The following ZNF251 variants were observed in gnomAD, a reference collection of about 807,000 sequenced individuals.
The protein encoded by ZNF251 is zinc finger protein 251.
ZNF251 carries 14 observed loss-of-function variants against 13.5 expected under a neutral mutation model. The ratio of observed to expected loss-of-function variants is 1.04; its 90% CI spans 0.69 to 1.63. The LOEUF (loss-of-function observed/expected upper bound fraction) is 1.63, where lower values mean the gene tolerates loss of function less well. Ranked by LOEUF, ZNF251 falls within the 40% of genes most tolerant of loss-of-function variation. The pLI is 0.00. For missense variants in ZNF251, 764 were observed against 834.9 expected, an observed-to-expected ratio of 0.92 and a Z score of 1.05; for synonymous variants, 287 against 295.2, an observed-to-expected ratio of 0.97 and a Z score of 0.28.
intron 4 of ZNF251, among the ~76,000 whole-genome samples, chr8:144,732,712 T>G (rs1208615138): frequency 6.6e-6 from 1 of 150,406 alleles, no homozygotes; most frequent in African/African-American, 2.5e-5. Context: ...CTTGGGAGGC[T>G]GAGGCAGGAG....
At chr8:144,746,279 A>G (rs1824425697) in intron 4 of ZNF251, among the ~76,000 whole-genome samples, 1 of 152,206 alleles carries the variant, frequency 6.6e-6, no homozygotes, top group African/African-American at 2.4e-5. Context: ...GATGTGGTAC[A>G]TCACATTACA....
chr8:144,755,419 C>G lies in ZNF251; in HGVS notation c.-90G>C. ...CACTGCCCCACCTGTTTGCTCGACC[C>G]GGGGAAGCCACCGAGGAAGCGCCGA... On this transcript the variant is annotated 5_prime_UTR_variant, in exon 1 of 5. Coordinates refer to ENST00000292562, the MANE Select transcript of ZNF251 (RefSeq NM_138367.2). 3 of 1,288,282 alleles carry G rather than the reference C, an allele frequency of 2.3e-6. No homozygotes were observed. Among genetic ancestry groups the G allele is most frequent in the Non-Finnish European group, 3.0e-6 (3 of 988,826 alleles). The allele number at this position is 1,288,282 out of a possible 1,614,324, so 79.8% of individuals were successfully genotyped here. A position where few individuals can be genotyped will look rare whatever the true frequency, so the allele number is the denominator to read the frequency against.
rs180989573 is a variant in ZNF251, at chr8:144,735,397, A to G, written c.278-12015T>C. Among the ~76,000 whole-genome samples, 787 of 151,374 alleles carry G rather than the reference A, an allele frequency of 5.2e-3. 7 individuals carry two copies. Among genetic ancestry groups the G allele is most frequent in the African/African-American group, 0.018 (739 of 41,196 alleles). On this transcript the variant is annotated intron_variant, in intron 4 of 4. Coordinates refer to ENST00000292562, the MANE Select transcript of ZNF251 (RefSeq NM_138367.2). ...ACTCCGTCTCAAAAAAAAAAAAAAA[A>G]AAAGAGATTTTGTATTTTTGTATTG...
intron 4 of ZNF251, among the ~76,000 whole-genome samples, chr8:144,732,673 G>C (rs558226896): frequency 6.6e-6 from 1 of 152,084 alleles, no homozygotes; most frequent in African/African-American, 2.4e-5. Context: ...TTAGCTGGGT[G>C]TGGTGGCAGG....
chr8:144,738,430 C>T, intron 4 of ZNF251: 2 of 413,684 alleles, frequency 4.8e-6, no homozygotes, highest in Non-Finnish European at 6.5e-6. Flanking sequence ...AGGACACCTC[C>T]CACCCAGCAC....
intron 4 of ZNF251, among the ~76,000 whole-genome samples, chr8:144,733,181 T>TG (rs1823772793): frequency 1.3e-5 from 2 of 152,190 alleles, no homozygotes; most frequent in Admixed American, 1.3e-4. Context: ...ATCATACCAC[T>TG]GCACTCCAGC....
At chr8:144,725,291 G>A (rs2466954) in intron 4 of ZNF251, among the ~76,000 whole-genome samples, 142,827 of 152,284 alleles carry the variant, frequency 0.94, 67,088 homozygotes, top group East Asian at 1. Context: ...CTGGGATTAC[G>A]GGCGTGAGCC....
intron 4 of ZNF251, among the ~76,000 whole-genome samples, chr8:144,725,306 C>T (rs1025343670): frequency 2.6e-5 from 4 of 152,154 alleles, no homozygotes; most frequent in Non-Finnish European, 5.9e-5. Context: ...TGAGCCATCG[C>T]ACCCGGCCTC....
At position 144,734,182 on chromosome 8, in the gene ZNF251, G is replaced by A. The variant is rs1339597236; in HGVS notation, c.278-10800C>T. On this transcript the variant is annotated intron_variant, in intron 4 of 4. Coordinates refer to ENST00000292562, the MANE Select transcript of ZNF251 (RefSeq NM_138367.2). The surrounding 1 kb of genome is among the most constrained non-coding windows in gnomAD (Gnocchi z 4.4). ...GCCTGGTGTTTTCCTTTGTCCCAGC[G>A]CTGAGCCGAGCGGAGCTCCTGGCTG... is the stretch of plus-strand genomic sequence containing the variant. 6.6e-6 allele frequency among the ~76,000 whole-genome samples: 1 copy of A among 152,176 alleles called. No homozygotes were observed. Among genetic ancestry groups the A allele is most frequent in the African/African-American group, 2.4e-5 (1 of 41,442 alleles).
intron 4 of ZNF251, among the ~76,000 whole-genome samples, chr8:144,746,205 G>A (rs1824422388): frequency 6.6e-6 from 1 of 152,178 alleles, no homozygotes; most frequent in Non-Finnish European, 1.5e-5. Flanking sequence ...AATCGAGGTT[G>A]GATTTTGTCA....
chr8:144,735,933 GC>G (rs1398025726), intron 4 of ZNF251, among the ~76,000 whole-genome samples: 1 of 152,098 alleles, frequency 6.6e-6, no homozygotes, highest in Non-Finnish European at 1.5e-5. Flanking sequence ...CCTGCTGAGG[GC>G]CCCCAGCCGG....
intron 4 of ZNF251, 95 bp from the exon 5 acceptor site, chr8:144,723,477 G>C (rs1003718604): frequency 7.2e-5 from 62 of 864,398 alleles, no homozygotes; most frequent in Non-Finnish European, 8.6e-5. Flanking sequence ...CCATCATGCA[G>C]AAGGCAGATG....
In ZNF251 at chr8:144,755,510, G is replaced by A. The variant is rs1052916286; in HGVS notation, c.-181C>T. On this transcript the variant is annotated 5_prime_UTR_variant, in exon 1 of 5. Coordinates refer to ENST00000292562, the MANE Select transcript of ZNF251 (RefSeq NM_138367.2). ...ACAGAACCGGGTCCAGAGCCGGGGA[G>A]GGGGCGGGCTAGGATGAAGAGGGCG... 8 of 1,286,290 alleles carry A rather than the reference G, an allele frequency of 6.2e-6. No homozygotes were observed. The highest frequency in any genetic ancestry group is 4.6e-5 in the African/African-American group (3 of 65,620). 79.7% of individuals were successfully genotyped at this position (1,286,290 alleles called of 1,614,324 possible). A position where few individuals can be genotyped will look rare whatever the true frequency, so the allele number is the denominator to read the frequency against.
chr8:144,725,513 A>G (rs1586680242), intron 4 of ZNF251, among the ~76,000 whole-genome samples: 1 of 151,868 alleles, frequency 6.6e-6, no homozygotes, highest in East Asian at 1.9e-4. Context: ...GCTTGTCTCC[A>G]ACTCCTGACC....
intron 3 of ZNF251, 80 bp downstream of exon 3, chr8:144,754,112 G>A: frequency 6.5e-7 from 1 of 1,531,684 alleles, no homozygotes; most frequent in South Asian, 1.3e-5. Context: ...CCTCTTCTTT[G>A]GGATCCAAAG....
chr8:144,746,388 T>G (rs896318305), intron 4 of ZNF251, among the ~76,000 whole-genome samples: 7 of 152,242 alleles, frequency 4.6e-5, no homozygotes, highest in African/African-American at 1.7e-4. Flanking sequence ...GGATTTGATT[T>G]GCTAATATTT....
At position 144,755,176 on chromosome 8, in the gene ZNF251, C is replaced by G. The variant is rs894386130; in HGVS notation, c.-76+229G>C. 9 of 1,173,654 alleles carry G rather than the reference C, an allele frequency of 7.7e-6. No individual in the cohort carries two copies. In the African/African-American group the frequency reaches 1.3e-4, roughly 17 times the overall value. The allele number at this position is 1,173,654 out of a possible 1,614,324, so 72.7% of individuals were successfully genotyped here. A position where few individuals can be genotyped will look rare whatever the true frequency, so the allele number is the denominator to read the frequency against. On this transcript the variant is annotated intron_variant, in intron 1 of 4. Coordinates refer to ENST00000292562, the MANE Select transcript of ZNF251 (RefSeq NM_138367.2). ...GAGAAGGAGGCCGCGGGGATGCTGCCGAAGGCCCCAGGCTCCGGGGAGAGG... is the reference window on the plus strand; with the variant it reads ...GAGAAGGAGGCCGCGGGGATGCTGCGGAAGGCCCCAGGCTCCGGGGAGAGG...
chr8:144,744,009 C>CTTTTT (rs1168495446), intron 4 of ZNF251, among the ~76,000 whole-genome samples: 9 of 88,814 alleles, frequency 1.0e-4, no homozygotes, highest in East Asian at 2.7e-4. Context: ...CTCTCGTTGT[C>CTTTTT]TTTTTTTTTT....
At chr8:144,740,969 A>C (rs113823063) in intron 4 of ZNF251, among the ~76,000 whole-genome samples, 9 of 152,210 alleles carry the variant, frequency 5.9e-5, no homozygotes, top group African/African-American at 1.2e-4. Flanking sequence ...AAAAACCCCC[A>C]AAAATAAATA....
Sources: gnomAD v4.1 joint callset for allele counts (sites outside exome capture counted in the v4.1 genomes callset) on GRCh38, gnomAD v4.1.1 for gene constraint, Gnocchi (gnomAD v3.1) non-coding constraint, MANE v1.5 for transcripts, NCBI Gene and HGNC (gene_info 2026-07-23, HGNC 2026-07-21) for gene names.